Variants in VSNL1 observed in about 807,000 individuals in gnomAD.
The protein encoded by VSNL1 is visinin like 1, also known as visinin-like protein 1.
Under a neutral mutation model 20.4 loss-of-function variants are expected in VSNL1, and 6 were observed. The observed-to-expected ratio is 0.29, with a 90% CI of 0.16 to 0.58. The LOEUF (loss-of-function observed/expected upper bound fraction) is 0.58, where lower values mean the gene tolerates loss of function less well. VSNL1 is among the 20% of genes least tolerant of loss of function. The pLI is 0.90. For synonymous variants in VSNL1, 93 were observed against 86.4 expected (o/e 1.08, Z -0.42); for missense variants, 100 against 234.5 (o/e 0.43, Z 3.75).
intron 1 of VSNL1, among the ~76,000 whole-genome samples, chr2:17,585,729 G>C (rs923711484): frequency 1.2e-4 from 18 of 151,976 alleles, no homozygotes; most frequent in African/African-American, 4.4e-4. Context: ...TAAAACCAAA[G>C]GGCTTAAAGC....
intron 1 of VSNL1, among the ~76,000 whole-genome samples, chr2:17,562,041 A>G (rs1035933467): frequency 2.0e-5 from 3 of 152,170 alleles, no homozygotes; most frequent in African/African-American, 4.8e-5. Flanking sequence ...ATTCAATTCC[A>G]CTGAGGTTTC....
intron 2 of VSNL1, among the ~76,000 whole-genome samples, chr2:17,640,541 G>A (rs1209367901): frequency 1.3e-5 from 2 of 152,226 alleles, no homozygotes; most frequent in African/African-American, 4.8e-5. Flanking sequence ...AGAAGTTAAA[G>A]ATATTGCAGT....
chr2:17,626,705 C>T (rs1391318297), intron 2 of VSNL1, among the ~76,000 whole-genome samples: 2 of 152,184 alleles, frequency 1.3e-5, no homozygotes, highest in Non-Finnish European at 2.9e-5. Flanking sequence ...CCCCAACTGC[C>T]AGCAGCTCTC....
At chr2:17,583,448 A>G (rs1664397594) in intron 1 of VSNL1, among the ~76,000 whole-genome samples, 1 of 152,246 alleles carries the variant, frequency 6.6e-6, no homozygotes, top group South Asian at 2.1e-4. Flanking sequence ...ACCTCACAGA[A>G]CTAAGTGAGG....
At chr2:17,584,120 T>C (rs985702556) in intron 1 of VSNL1, among the ~76,000 whole-genome samples, 4 of 152,176 alleles carry the variant, frequency 2.6e-5, no homozygotes, top group African/African-American at 9.7e-5. Flanking sequence ...TTCACGCACC[T>C]TGTATTAAGC....
rs146031295 is a variant in VSNL1, at chr2:17,643,145, G to C, written c.163-6265G>C. ...GACCAGACCTTCTATCTTCTTATGC[G>C]TGGTTGCCTCTCCTCACTCTCCCTC... On this transcript the variant is annotated intron_variant, in intron 2 of 3. Transcript: ENST00000295156. 3.9e-5 allele frequency among the ~76,000 whole-genome samples: 6 copies of C among 152,272 alleles called. No individual in the cohort carries two copies. The East Asian group carries it at 1.2e-3, about 29-fold the overall frequency.
At chr2:17,633,611 T>C (rs779850053) in intron 2 of VSNL1, among the ~76,000 whole-genome samples, 18 of 152,176 alleles carry the variant, frequency 1.2e-4, no homozygotes, top group Non-Finnish European at 2.5e-4. Context: ...GAAATACTTA[T>C]TGAATATCCA....
intron 2 of VSNL1, among the ~76,000 whole-genome samples, chr2:17,619,098 C>A (rs370022631): frequency 6.6e-6 from 1 of 152,210 alleles, no homozygotes; most frequent in African/African-American, 2.4e-5. Flanking sequence ...GGATGCTTCA[C>A]AAGCTCCTCA....
At chr2:17,571,277 T>C (rs1664075798) in intron 1 of VSNL1, among the ~76,000 whole-genome samples, 1 of 152,198 alleles carries the variant, frequency 6.6e-6, no homozygotes, top group Non-Finnish European at 1.5e-5. Context: ...AGCCGGAACC[T>C]AACACAACTA....
chr2:17,595,179 C>T (rs1344691436), intron 2 of VSNL1, among the ~76,000 whole-genome samples: 1 of 152,224 alleles, frequency 6.6e-6, no homozygotes, highest in Non-Finnish European at 1.5e-5. Flanking sequence ...TCATTTCAAT[C>T]AATGTTAAGA....
At chr2:17,592,978 T>C (rs1664630007) in intron 2 of VSNL1, among the ~76,000 whole-genome samples, 2 of 152,280 alleles carry the variant, frequency 1.3e-5, no homozygotes, top group Non-Finnish European at 2.9e-5. Flanking sequence ...TTATGTAATG[T>C]TACACAAGTG....
At chr2:17,642,711 T>C (rs1665908086) in intron 2 of VSNL1, among the ~76,000 whole-genome samples, 1 of 152,252 alleles carries the variant, frequency 6.6e-6, no homozygotes, top group African/African-American at 2.4e-5. Flanking sequence ...TGGGAGTTCA[T>C]GACCTTTCTG....
At chr2:17,588,411 A>C (rs1307345095) in intron 1 of VSNL1, among the ~76,000 whole-genome samples, 1 of 152,194 alleles carries the variant, frequency 6.6e-6, no homozygotes, top group African/African-American at 2.4e-5. Context: ...CTTGGCCAAG[A>C]TCACAGAGTA....
At chr2:17,607,650 G>A (rs1237085506) in intron 2 of VSNL1, among the ~76,000 whole-genome samples, 1 of 152,192 alleles carries the variant, frequency 6.6e-6, no homozygotes, top group African/African-American at 2.4e-5. Context: ...TGACATTGTG[G>A]CTATTTTTTT....
intron 2 of VSNL1, among the ~76,000 whole-genome samples, chr2:17,644,312 G>A (rs769799781): frequency 7.2e-5 from 11 of 152,304 alleles, no homozygotes; most frequent in South Asian, 2.1e-4. Context: ...ACCACCCCAC[G>A]TGAAGGCCTC....
chr2:17,554,808 A>T (rs1364222652), intron 1 of VSNL1, among the ~76,000 whole-genome samples: 1 of 152,218 alleles, frequency 6.6e-6, no homozygotes, highest in Non-Finnish European at 1.5e-5. Flanking sequence ...TTACTAAGTT[A>T]TATTTTCCTC....
intron 2 of VSNL1, among the ~76,000 whole-genome samples, chr2:17,626,175 G>A (rs1665503913): frequency 6.6e-6 from 1 of 152,122 alleles, no homozygotes; most frequent in Admixed American, 6.5e-5. Flanking sequence ...GGCTAGCCAT[G>A]ACCCCAATAT....
rs143874475 is a variant in VSNL1 at position 17,604,599 on chromosome 2, C to T, written c.162+12363C>T. Among the ~76,000 whole-genome samples, 382 of 152,372 alleles carry T rather than the reference C, an allele frequency of 2.5e-3. 1 individual carries two copies. Among genetic ancestry groups the T allele is most frequent in the Middle Eastern group, 0.01 (3 of 294 alleles). On this transcript the variant is annotated intron_variant, in intron 2 of 3. Transcript: ENST00000295156. ...AACTTTCCGGGTAAAAACAGTAACA[C>T]GGTGTTCCCGTGAGAACCAGCTGGG...
intron 2 of VSNL1, among the ~76,000 whole-genome samples, chr2:17,633,755 C>T (rs537210295): frequency 2.0e-5 from 3 of 152,024 alleles, no homozygotes; most frequent in Non-Finnish European, 4.4e-5. Context: ...TGCATCGATA[C>T]AGGGTATTGT....
Sources: allele counts gnomAD v4.1 joint callset (sites outside exome capture counted in the v4.1 genomes callset), GRCh38; gene constraint gnomAD v4.1.1; transcripts MANE v1.5; gene names NCBI Gene and HGNC (gene_info 2026-07-23, HGNC 2026-07-21).